Variants in ATAD2B observed in about 807,000 individuals in gnomAD.
ATAD2B encodes the protein ATPase family AAA domain-containing protein 2B.
Under a neutral mutation model 167.6 loss-of-function variants are expected in ATAD2B, and 40 were observed. That is an observed-to-expected ratio of 0.24 (90% CI 0.19 to 0.31). The LOEUF (loss-of-function observed/expected upper bound fraction) is 0.31. Ranked by LOEUF, ATAD2B falls within the 10% of genes least tolerant of loss-of-function variation. The pLI is 1.00. For synonymous variants in ATAD2B, 579 were observed against 596.5 expected (o/e 0.97, Z 0.43); for missense variants, 1,242 against 1,757.2 (o/e 0.71, Z 5.24).
intron 2 of ATAD2B, among the ~76,000 whole-genome samples, chr2:23,889,139 C>A (rs985089891): frequency 2.6e-5 from 4 of 152,122 alleles, no homozygotes; most frequent in African/African-American, 9.7e-5. Flanking sequence ...AAAGGACATC[C>A]AGAAAATCAC....
At chr2:23,807,844 T>TATATAA (rs1553397868) in intron 18 of ATAD2B, among the ~76,000 whole-genome samples, 3 of 131,168 alleles carry the variant, frequency 2.3e-5, no homozygotes, top group African/African-American at 8.5e-5. Flanking sequence ...TATATATATA[T>TATATAA]AATAAAATAT....
chr2:23,896,916 T>C (rs1268336324), intron 1 of ATAD2B, among the ~76,000 whole-genome samples: 5 of 152,246 alleles, frequency 3.3e-5, no homozygotes, highest in African/African-American at 1.2e-4. Context: ...GCGGGGCAGA[T>C]CACCTGAGGT....
At position 23,754,683 on chromosome 2, in the gene ATAD2B, A is replaced by C; in HGVS notation, c.4170T>G (p.Pro1390=). 1 of 1,613,036 alleles carries C rather than the reference A, an allele frequency of 6.2e-7. No homozygotes were observed. The highest frequency in any genetic ancestry group is 8.5e-7 in the Non-Finnish European group (1 of 1,179,328). The change falls in exon 26 of 28, where the codon CCT becomes CCG. Residue 1390 remains proline (P), a synonymous_variant. Transcript: ENST00000238789. ...CACGATCAACTATAAGAGGAGGCAC[A>C]GGCTCAGATGGCTCTTCTGGAACCA... is the stretch of plus-strand genomic sequence containing the variant. The part of the protein sequence containing the change: ...LELVPEEPSE[P]VPPLIVDRER...
At chr2:23,910,097 C>T (rs1225158921) in intron 1 of ATAD2B, among the ~76,000 whole-genome samples, 2 of 151,196 alleles carry the variant, frequency 1.3e-5, no homozygotes, top group Non-Finnish European at 2.9e-5. Context: ...CTCCTGGCCT[C>T]AAGTGATCCT....
chr2:23,718,797 C>A, the ATAD2B span, among the ~76,000 whole-genome samples: 1 of 152,210 alleles, frequency 6.6e-6, no homozygotes, highest in African/African-American at 2.4e-5. Flanking sequence ...CCTTTTCTAA[C>A]TTCCAGAGGC....
chr2:23,849,903 T>C (rs1457383671), intron 13 of ATAD2B, among the ~76,000 whole-genome samples: 1 of 152,140 alleles, frequency 6.6e-6, no homozygotes, highest in Non-Finnish European at 1.5e-5. Context: ...TAGAACACTA[T>C]ACCATAAATG....
intron 1 of ATAD2B, among the ~76,000 whole-genome samples, chr2:23,913,880 T>C (rs1282207526): frequency 3.9e-5 from 6 of 152,062 alleles, no homozygotes; most frequent in South Asian, 4.2e-4. Context: ...GGCGAGAGGA[T>C]TGCTTGAGCC....
At chr2:23,791,995 G>A (rs982397719) in intron 19 of ATAD2B, among the ~76,000 whole-genome samples, 8 of 151,568 alleles carry the variant, frequency 5.3e-5, no homozygotes, top group Admixed American at 1.3e-4. Flanking sequence ...CACCAGCAAT[G>A]CAAAAAGGTT....
intron 2 of ATAD2B, among the ~76,000 whole-genome samples, chr2:23,892,367 T>C (rs1225797485): frequency 6.6e-6 from 1 of 152,122 alleles, no homozygotes; most frequent in Non-Finnish European, 1.5e-5. Flanking sequence ...GGTTTCACCG[T>C]GTTAGCCAGG....
chr2:23,695,999 T>C, the ATAD2B span: 1 of 1,551,654 alleles, frequency 6.4e-7, no homozygotes, highest in African/African-American at 1.4e-5. This position sits in a 1 kb window ranked among gnomAD's most constrained non-coding sequence, Gnocchi z 7.6. Context: ...ATGGTGGGGA[T>C]GACCCAGCGC....
Position 23,751,677 on chromosome 2 carries a change from C to G in ATAD2B, c.*369G>C. 1 of 238,464 alleles carries G rather than the reference C, an allele frequency of 4.2e-6. No individual in the cohort carries two copies. Among genetic ancestry groups the G allele is most frequent in the Non-Finnish European group, 8.0e-6 (1 of 124,542 alleles). The allele number at this position is 238,464 out of a possible 1,614,324, so 14.8% of individuals were successfully genotyped here. A position where few individuals can be genotyped will look rare whatever the true frequency, so the allele number is the denominator to read the frequency against. On this transcript the variant is annotated 3_prime_UTR_variant, in exon 28 of 28. Coordinates refer to ENST00000238789, the MANE Select transcript of ATAD2B (RefSeq NM_017552.4). Reference sequence around the variant, plus strand: ...TTTAAACAATTCAACACAGTTAGAACTGCCCCCATCCAGTTTCCTCCTGTT... The same window carrying G: ...TTTAAACAATTCAACACAGTTAGAAGTGCCCCCATCCAGTTTCCTCCTGTT...
At chr2:23,884,021 G>A (rs990945160) in intron 6 of ATAD2B, among the ~76,000 whole-genome samples, 1 of 152,104 alleles carries the variant, frequency 6.6e-6, no homozygotes, top group Admixed American at 6.6e-5. Context: ...GTGCACGCCT[G>A]TAATACTAGG....
At chr2:23,735,531 G>T in the ATAD2B span, among the ~76,000 whole-genome samples, 5 of 152,160 alleles carry the variant, frequency 3.3e-5, no homozygotes, top group African/African-American at 1.2e-4. Flanking sequence ...CTCCACTCTC[G>T]CCTTCTTTTA....
chr2:23,918,484 C>G (rs1703407047), intron 1 of ATAD2B, among the ~76,000 whole-genome samples: 1 of 152,050 alleles, frequency 6.6e-6, no homozygotes, highest in African/African-American at 2.4e-5. Flanking sequence ...AGGAAAAATA[C>G]TGCAAAAACA....
At chr2:23,720,504 ACAGAGG>A in the ATAD2B span, among the ~76,000 whole-genome samples, 2 of 41,594 alleles carry the variant, frequency 4.8e-5, no homozygotes, top group Admixed American at 8.9e-4. Context: ...AACCCAGGAG[ACAGAGG>A]TTGCAAGATC....
At chr2:23,755,536 G>A (rs1473940357) in intron 25 of ATAD2B, among the ~76,000 whole-genome samples, 1 of 152,132 alleles carries the variant, frequency 6.6e-6, no homozygotes, top group Non-Finnish European at 1.5e-5. Context: ...CTACTCTTAA[G>A]AGGAGGATGA....
chr2:23,816,064 T>A (rs193300569), intron 17 of ATAD2B, among the ~76,000 whole-genome samples: 40 of 152,186 alleles, frequency 2.6e-4, no homozygotes, highest in Non-Finnish European at 4.1e-4. Context: ...TGAATGAATA[T>A]ATGAAAGAAC....
intron 13 of ATAD2B, among the ~76,000 whole-genome samples, chr2:23,842,215 T>C (rs1374583535): frequency 2.0e-5 from 3 of 152,174 alleles, no homozygotes; most frequent in Non-Finnish European, 4.4e-5. Context: ...TGCTTTTGGA[T>C]TGACTTTTAA....
chr2:23,743,384 C>G, the ATAD2B span, among the ~76,000 whole-genome samples: 2 of 151,884 alleles, frequency 1.3e-5, no homozygotes, highest in Non-Finnish European at 2.9e-5. Context: ...CTGACCAACA[C>G]GGTGAAACCC....
Sources: allele counts gnomAD v4.1 joint callset (sites outside exome capture counted in the v4.1 genomes callset), GRCh38; gene constraint gnomAD v4.1.1; non-coding constraint Gnocchi (gnomAD v3.1); transcripts MANE v1.5; gene names NCBI Gene and HGNC (gene_info 2026-07-23, HGNC 2026-07-21).